AFF3: variants seen among roughly 807,000 people sequenced by gnomAD.
The protein encoded by AFF3 is AF4/FMR2 family member 3.
AFF3 carries 32 observed loss-of-function variants against 129.7 expected under a neutral mutation model. That is an observed-to-expected ratio of 0.25 (90% confidence interval 0.19 to 0.33). The LOEUF is 0.33. AFF3 is among the 10% of genes least tolerant of loss of function. AFF3 has a pLI of 1.00. For synonymous variants in AFF3, 644 were observed against 635.4 expected (o/e 1.01, Z -0.20); for missense variants, 1,373 against 1,592.0 (o/e 0.86, Z 2.34).
At chr2:100,129,414 G>GTA (rs1053898995) in intron 1 of AFF3, 108 bp from the exon 2 acceptor site, 2 of 150,162 alleles carry the variant, frequency 1.3e-5, no homozygotes, top group African/African-American at 2.5e-5. Flanking sequence ...GTGTGTGTGT[G>GTA]TGTATACATA....
intron 21 of AFF3, among the ~76,000 whole-genome samples, chr2:99,559,232 A>AG (rs1183139060): frequency 1.3e-5 from 2 of 151,810 alleles, no homozygotes; most frequent in African/African-American, 4.8e-5. Flanking sequence ...GTTGGGTCAC[A>AG]GGGGCCGGCC....
At chr2:100,026,136 TCA>T (rs1398981434) in intron 4 of AFF3, among the ~76,000 whole-genome samples, 1 of 152,174 alleles carries the variant, frequency 6.6e-6, no homozygotes, top group African/African-American at 2.4e-5. Context: ...GAGAAAATCT[TCA>T]CAGTCTATAC....
At chr2:100,023,632 T>C (rs530596400) in intron 4 of AFF3, among the ~76,000 whole-genome samples, 2 of 152,140 alleles carry the variant, frequency 1.3e-5, no homozygotes, top group South Asian at 4.2e-4. Flanking sequence ...ATATTAACAT[T>C]GTGCCAGAAA....
chr2:99,881,476 C>G (rs1233611118), intron 7 of AFF3, among the ~76,000 whole-genome samples: 4 of 147,186 alleles, frequency 2.7e-5, no homozygotes, highest in South Asian at 4.4e-4. Context: ...TTCATTTTTT[C>G]ATTGAAAAAA....
chr2:100,115,973 C>T (rs940754996), intron 2 of AFF3, among the ~76,000 whole-genome samples: 3 of 151,936 alleles, frequency 2.0e-5, no homozygotes, highest in African/African-American at 7.3e-5. Context: ...TTTAAAATTT[C>T]TTCTTATAAT....
chr2:99,578,814 A>G (rs1376916735), intron 17 of AFF3, among the ~76,000 whole-genome samples: 1 of 152,184 alleles, frequency 6.6e-6, no homozygotes, highest in Non-Finnish European at 1.5e-5. Flanking sequence ...GCTAGACTGG[A>G]GGCTGGCCAG....
chr2:100,005,951 A>G (rs1681933874), intron 7 of AFF3, among the ~76,000 whole-genome samples: 1 of 152,216 alleles, frequency 6.6e-6, no homozygotes, highest in South Asian at 2.1e-4. Context: ...TAGAACTCAC[A>G]TTTAATTTTA....
At chr2:99,887,616 A>C (rs1693212652) in intron 7 of AFF3, among the ~76,000 whole-genome samples, 1 of 152,154 alleles carries the variant, frequency 6.6e-6, no homozygotes, top group South Asian at 2.1e-4. Context: ...GTCAGGAGTT[A>C]CTCCTTTTTC....
chr2:99,608,350 G>A (rs1018893526), intron 13 of AFF3, among the ~76,000 whole-genome samples: 14 of 152,238 alleles, frequency 9.2e-5, no homozygotes, highest in Middle Eastern at 3.4e-3. Flanking sequence ...TTCCTCCTCT[G>A]AGTCCCTCTA....
At chr2:99,844,409 C>T (rs1188435522) in intron 7 of AFF3, among the ~76,000 whole-genome samples, 1 of 149,262 alleles carries the variant, frequency 6.7e-6, no homozygotes, top group Non-Finnish European at 1.5e-5. Flanking sequence ...CATTCCCCAT[C>T]AATACGAGAA....
chr2:99,693,976 G>A (rs548099492), intron 11 of AFF3, among the ~76,000 whole-genome samples: 6 of 151,130 alleles, frequency 4.0e-5, no homozygotes, highest in South Asian at 2.1e-4. Context: ...GCAGTGCAGC[G>A]GCACCATCTC....
chr2:99,826,364 C>A lies in AFF3; in HGVS notation c.921+11113G>T, dbSNP rs541111463. Among the ~76,000 whole-genome samples, 4 of 152,268 alleles carry A rather than the reference C, an allele frequency of 2.6e-5. No homozygotes were observed. The East Asian group carries it at 7.7e-4, about 29-fold the overall frequency. ...AACTAAGTGCCGGTCATCGTGCTCA[C>A]CCCTGGAGGTAGATAACAACAGCCC... is the stretch of plus-strand genomic sequence containing the variant. On this transcript the variant is annotated intron_variant, in intron 8 of 24. Coordinates refer to ENST00000672756, the MANE Select transcript of AFF3 (RefSeq NM_001386135.1).
chr2:99,567,769 G>A (rs1437375982), intron 19 of AFF3, among the ~76,000 whole-genome samples: 1 of 152,158 alleles, frequency 6.6e-6, no homozygotes, highest in Non-Finnish European at 1.5e-5. Flanking sequence ...TTGGGAAATC[G>A]TCAACAGGAA....
chr2:99,655,338 GT>G (rs963297800), intron 12 of AFF3, among the ~76,000 whole-genome samples: 1 of 152,040 alleles, frequency 6.6e-6, no homozygotes, highest in African/African-American at 2.4e-5. Flanking sequence ...AGGAAACCTT[GT>G]TTGGAATGAG....
chr2:99,653,401 T>C (rs1685454955), intron 12 of AFF3, among the ~76,000 whole-genome samples: 1 of 152,210 alleles, frequency 6.6e-6, no homozygotes, highest in Non-Finnish European at 1.5e-5. Context: ...ACCAAGGCTG[T>C]CAATATTTTA....
At chr2:99,844,173 AT>A (rs1216123506) in intron 7 of AFF3, among the ~76,000 whole-genome samples, 1 of 152,242 alleles carries the variant, frequency 6.6e-6, no homozygotes, top group East Asian at 1.9e-4. Context: ...GGTATATGAT[AT>A]AAAGCCAAAT....
chr2:99,997,483 C>CG (rs1158778165), intron 7 of AFF3, among the ~76,000 whole-genome samples: 5 of 151,782 alleles, frequency 3.3e-5, no homozygotes, highest in Admixed American at 3.3e-4. Flanking sequence ...TCACCCCCCC[C>CG]CCAGATTAGC....
intron 4 of AFF3, among the ~76,000 whole-genome samples, chr2:100,014,546 T>G (rs1203968428): frequency 6.6e-6 from 1 of 152,050 alleles, no homozygotes; most frequent in Non-Finnish European, 1.5e-5. Flanking sequence ...GGGCACCAAT[T>G]CACAATCAAA....
At chr2:99,913,594 A>G (rs1288300478) in intron 7 of AFF3, among the ~76,000 whole-genome samples, 2 of 152,208 alleles carry the variant, frequency 1.3e-5, no homozygotes, top group Admixed American at 6.5e-5. Flanking sequence ...AGTAGTAATG[A>G]GCACATGTGG....
Sources: allele counts gnomAD v4.1 joint callset (sites outside exome capture counted in the v4.1 genomes callset), GRCh38; gene constraint gnomAD v4.1.1; transcripts MANE v1.5; gene names NCBI Gene and HGNC (gene_info 2026-07-23, HGNC 2026-07-21).